DRD3: variants seen among roughly 807,000 people sequenced by gnomAD.
The protein encoded by DRD3 is D(3) dopamine receptor.
Under a neutral mutation model 36.3 loss-of-function variants are expected in DRD3, and 19 were observed. That is an observed-to-expected ratio of 0.52 (90% CI 0.36 to 0.77). The LOEUF is 0.77. Ranked by LOEUF, DRD3 falls within the 30% of genes least tolerant of loss-of-function variation. The probability of loss-of-function intolerance (pLI) is 0.00; values close to 1 mark genes in which losing one functional copy is unlikely to be tolerated. For missense variants in DRD3, 465 were observed against 505.3 expected, an observed-to-expected ratio of 0.92 and a Z score of 0.77; for synonymous variants, 195 against 203.7, an observed-to-expected ratio of 0.96 and a Z score of 0.36.
At chr3:114,135,784 G>A (rs2107833852) in intron 5 of DRD3, among the ~76,000 whole-genome samples, 1 of 152,094 alleles carries the variant, frequency 6.6e-6, no homozygotes, top group Non-Finnish European at 1.5e-5. Context: ...TTGCTTCCTG[G>A]GTTAGAGTGA....
intron 2 of DRD3, among the ~76,000 whole-genome samples, chr3:114,165,050 C>T (rs1254173410): frequency 6.6e-6 from 1 of 152,204 alleles, no homozygotes; most frequent in African/African-American, 2.4e-5. Flanking sequence ...TGCGCCTTGC[C>T]AGAAGAATGT....
intron 3 of DRD3, 25 bp from the exon 4 acceptor site, chr3:114,147,582 T>C (rs2077580431): frequency 6.2e-7 from 1 of 1,600,214 alleles, no homozygotes; most frequent in African/African-American, 1.3e-5. Flanking sequence ...GGAGAGGGGA[T>C]AGGCATGGTG....
At chr3:114,131,089 C>T in intron 6 of DRD3, 29 bp downstream of exon 6, 2 of 1,604,558 alleles carry the variant, frequency 1.2e-6, no homozygotes, top group Non-Finnish European at 1.7e-6. Context: ...TAACCCAACC[C>T]AACACAGCTC....
chr3:114,130,071 GACCCTGTC>G (rs993525591), intron 6 of DRD3, among the ~76,000 whole-genome samples: 10 of 151,978 alleles, frequency 6.6e-5, no homozygotes, highest in Non-Finnish European at 1.3e-4. Flanking sequence ...AACGTAATGA[GACCCTGTC>G]ACTACAAAAA....
chr3:114,129,919 G>C (rs1445838301), intron 6 of DRD3, among the ~76,000 whole-genome samples: 1 of 152,064 alleles, frequency 6.6e-6, no homozygotes, highest in Non-Finnish European at 1.5e-5. Context: ...TTAGCCGGGT[G>C]TGGTAGCGCA....
chr3:114,174,687 G>A (rs936987787), intron 1 of DRD3, among the ~76,000 whole-genome samples: 6 of 151,742 alleles, frequency 4.0e-5, no homozygotes, highest in African/African-American at 1.5e-4. Context: ...GCAAAGATGA[G>A]TGAGATGCTA....
At chr3:114,153,917 T>A (rs564692426) in intron 3 of DRD3, among the ~76,000 whole-genome samples, 9 of 152,336 alleles carry the variant, frequency 5.9e-5, no homozygotes, top group Admixed American at 1.3e-4. Context: ...TGGCACATAG[T>A]ACATGCTAAA....
chr3:114,130,524 A>G (rs1214473594), intron 6 of DRD3, among the ~76,000 whole-genome samples: 1 of 148,922 alleles, frequency 6.7e-6, no homozygotes, highest in African/African-American at 2.5e-5. Flanking sequence ...TCCCAGGTTC[A>G]GGCCATTCTC....
intron 6 of DRD3, among the ~76,000 whole-genome samples, chr3:114,130,132 G>A (rs1279148509): frequency 6.6e-6 from 1 of 152,056 alleles, no homozygotes; most frequent in Non-Finnish European, 1.5e-5. Context: ...GGGGGCATAC[G>A]CCTGTAGTTC....
chr3:114,198,347 A>T (rs1474248392), intron 1 of DRD3, among the ~76,000 whole-genome samples: 1 of 151,820 alleles, frequency 6.6e-6, no homozygotes, highest in Non-Finnish European at 1.5e-5. Flanking sequence ...CTCCCGCCTC[A>T]CCTGGTCTCG....
intron 6 of DRD3, 88 bp from the exon 7 acceptor site, chr3:114,129,000 T>A (rs927866405): frequency 7.3e-7 from 1 of 1,377,412 alleles, no homozygotes; most frequent in Admixed American, 2.5e-5. Context: ...TTGTCTACTT[T>A]ATGCCAGCCA....
At chr3:114,197,231 C>A (rs2078042383) in intron 1 of DRD3, among the ~76,000 whole-genome samples, 1 of 149,744 alleles carries the variant, frequency 6.7e-6, no homozygotes, top group South Asian at 2.1e-4. Context: ...CCGGCCTAAG[C>A]ATCCTGAGTG....
chr3:114,188,210 CTTTT>C (rs57147337), intron 1 of DRD3, among the ~76,000 whole-genome samples: 1 of 122,874 alleles, frequency 8.1e-6, no homozygotes, highest in Non-Finnish European at 1.7e-5. Flanking sequence ...CTTTTTTTCC[CTTTT>C]TTTTTTTTTT....
At chr3:114,147,312 C>G in intron 4 of DRD3, 103 bp downstream of exon 4, 1 of 1,438,872 alleles carries the variant, frequency 6.9e-7, no homozygotes, top group Non-Finnish European at 9.5e-7. Context: ...GCAAAGTACA[C>G]TGACCGGGGG....
At chr3:114,144,964 G>A (rs1226451874) in intron 4 of DRD3, among the ~76,000 whole-genome samples, 2 of 152,118 alleles carry the variant, frequency 1.3e-5, no homozygotes, top group African/African-American at 2.4e-5. Flanking sequence ...CAACAACACT[G>A]CAAATTCATC....
At chr3:114,136,881 T>A (rs1470991301) in intron 5 of DRD3, among the ~76,000 whole-genome samples, 1 of 152,200 alleles carries the variant, frequency 6.6e-6, no homozygotes, top group Non-Finnish European at 1.5e-5. Flanking sequence ...CATTCAGTGG[T>A]AAATATGGCA....
At position 114,174,285 on chromosome 3, in the gene DRD3, A is replaced by G. The variant is rs529947482; in HGVS notation, c.-35-2258T>C. Among the ~76,000 whole-genome samples, 8 of 152,192 alleles carry G rather than the reference A, an allele frequency of 5.3e-5. No individual in the cohort carries two copies. The East Asian group carries it at 1.5e-3, about 29-fold the overall frequency. ...AGGCCCAAATGTCTTCCCTTTCACAACTGGGCCACTTTGGAACACAGTGGC... is the reference window on the plus strand; with the variant it reads ...AGGCCCAAATGTCTTCCCTTTCACAGCTGGGCCACTTTGGAACACAGTGGC... On this transcript the variant is annotated intron_variant, in intron 1 of 6. Coordinates refer to ENST00000383673, the MANE Select transcript of DRD3 (RefSeq NM_000796.6).
At chr3:114,154,761 A>G (rs2077649873) in intron 3 of DRD3, among the ~76,000 whole-genome samples, 1 of 152,002 alleles carries the variant, frequency 6.6e-6, no homozygotes, top group Admixed American at 6.6e-5. Flanking sequence ...ATTTGGCTGC[A>G]TTATTCCTGG....
chr3:114,175,598 C>T (rs1052729407), intron 1 of DRD3, among the ~76,000 whole-genome samples: 2 of 152,198 alleles, frequency 1.3e-5, no homozygotes, highest in Admixed American at 1.3e-4. Context: ...CCTGAACAAT[C>T]ACGGTTTAAC....
Sources: allele counts gnomAD v4.1 joint callset (sites outside exome capture counted in the v4.1 genomes callset), GRCh38; gene constraint gnomAD v4.1.1; transcripts MANE v1.5; gene names NCBI Gene and HGNC (gene_info 2026-07-23, HGNC 2026-07-21).